The following CD226 variants were observed in gnomAD, a reference collection of about 807,000 sequenced individuals.
CD226 encodes CD226 molecule, also known as CD226 antigen.
In CD226, 24 loss-of-function variants were observed where a neutral mutation model predicts 34.9. The ratio of observed to expected loss-of-function variants is 0.69; its 90% CI spans 0.50 to 0.97. The LOEUF is 0.97. CD226 is among the 50% of genes least tolerant of loss of function. CD226 has a pLI of 0.00. For synonymous variants in CD226, 148 were observed against 147.4 expected (o/e 1.00, Z -0.03); for missense variants, 397 against 412.7 (o/e 0.96, Z 0.33).
rs1395420225 is a variant in CD226, at chr18:69,870,309, C to T, written c.830+2835G>A. Among the ~76,000 whole-genome samples the T allele has an allele frequency of 5.7e-5, 7 of 123,592 alleles. No individual in the cohort carries two copies. The Admixed American group carries it at 5.9e-4, about 10-fold the overall frequency. The allele number at this position is 123,592 out of a possible 152,430, so 81.1% of individuals were successfully genotyped here. On this transcript the variant is annotated intron_variant, in intron 4 of 5. Coordinates refer to ENST00000582621, the MANE Select transcript of CD226 (RefSeq NM_001303618.2). ...TTTTTTTTTGAGACAGAGTCTTACT[C>T]TGTTACCCAGGCTGGAGTACAGTGG...
In CD226 at chr18:69,853,316, C is replaced by T. The variant is rs1982525395; in HGVS notation, c.*10998G>A. On this transcript the variant is annotated 3_prime_UTR_variant, in exon 6 of 6. Transcript: ENST00000582621. ...ATTTCACATTAAAATGACTCTCACA[C>T]ATTCTTAAAAAACATTCCACAAACA... The T allele has an allele frequency of 6.6e-6, 1 of 152,216 alleles. No individual in the cohort carries two copies. Among genetic ancestry groups the T allele is most frequent in the African/African-American group, 2.4e-5 (1 of 41,456 alleles). The allele number at this position is 152,216 out of a possible 1,614,324, so 9.4% of individuals were successfully genotyped here.
chr18:69,867,494 C>A (rs1289579415), intron 4 of CD226, 83 bp from the exon 5 acceptor site: 2 of 872,190 alleles, frequency 2.3e-6, no homozygotes, highest in Admixed American at 3.7e-5. Context: ...CCTCACTGTA[C>A]CCCTAGCCCA....
In CD226 at chr18:69,944,304, G is replaced by A. The variant is rs569641924; in HGVS notation, c.382+2430C>T. Among the ~76,000 whole-genome samples the A allele has an allele frequency of 4.3e-4, 65 of 152,252 alleles. 1 individual carries two copies. Among genetic ancestry groups the A allele is most frequent in the Middle Eastern group, 3.4e-3 (1 of 294 alleles). ...ATGAAGAATTCAAACTAGACGGACA[G>A]CCGGTATTCCTTCCTCTGACTGAAA... On this transcript the variant is annotated intron_variant, in intron 2 of 5. Transcript: ENST00000582621.
intron 2 of CD226, among the ~76,000 whole-genome samples, chr18:69,911,080 A>C (rs2055318753): frequency 6.6e-6 from 1 of 152,234 alleles, no homozygotes; most frequent in Middle Eastern, 3.2e-3. Flanking sequence ...ATACTGGTGC[A>C]CAAGAAACAA....
intron 2 of CD226, among the ~76,000 whole-genome samples, chr18:69,916,486 C>T (rs1001073272): frequency 1.3e-5 from 2 of 152,234 alleles, no homozygotes; most frequent in East Asian, 3.9e-4. Context: ...ATAAAATACC[C>T]TCCGGAAAGC....
intron 2 of CD226, among the ~76,000 whole-genome samples, chr18:69,900,675 T>G (rs983617345): frequency 2.8e-5 from 4 of 142,232 alleles, no homozygotes; most frequent in Non-Finnish European, 6.0e-5. Context: ...GAGCTTGCAG[T>G]GAGCCGAGAT....
intron 2 of CD226, among the ~76,000 whole-genome samples, chr18:69,944,783 C>T (rs1469655548): frequency 1.3e-5 from 2 of 152,200 alleles, no homozygotes; most frequent in Non-Finnish European, 1.5e-5. Context: ...CAGGATTTAA[C>T]AGGTGTCTAC....
chr18:69,918,814 T>C (rs959626429), intron 2 of CD226, among the ~76,000 whole-genome samples: 2 of 151,966 alleles, frequency 1.3e-5, no homozygotes, highest in African/African-American at 2.4e-5. Context: ...CCTGTGCAAA[T>C]AGGGGAGTCA....
upstream of CD226, among the ~76,000 whole-genome samples, chr18:69,951,933 C>A (rs768689197): frequency 3.9e-5 from 6 of 152,070 alleles, no homozygotes; most frequent in Non-Finnish European, 8.8e-5. Flanking sequence ...GGTATCTACC[C>A]AAAGGAAAAG....
intron 2 of CD226, among the ~76,000 whole-genome samples, chr18:69,911,325 A>G (rs1486888265): frequency 1.3e-5 from 2 of 152,180 alleles, no homozygotes; most frequent in African/African-American, 4.8e-5. Flanking sequence ...GCAACTGAAC[A>G]CCGGCATCCT....
chr18:69,923,713 G>C (rs1469800666), intron 2 of CD226, among the ~76,000 whole-genome samples: 1 of 152,146 alleles, frequency 6.6e-6, no homozygotes, highest in Non-Finnish European at 1.5e-5. Flanking sequence ...CAGCACTTTG[G>C]GAGGCCGAGG....
rs1317406273 is a variant in CD226 at position 69,855,862 on chromosome 18, G to T, written c.*8452C>A. ...TCTAAATGTACCAATTAGAAGTGGT[G>T]GGTTTAAACACACAAAAAAGATGAA... On this transcript the variant is annotated 3_prime_UTR_variant, in exon 6 of 6. Transcript: ENST00000582621. 6.6e-6 allele frequency: 1 copy of T among 151,966 alleles called. No homozygotes were observed. Among genetic ancestry groups the T allele is most frequent in the Non-Finnish European group, 1.5e-5 (1 of 67,986 alleles). The allele number at this position is 151,966 out of a possible 1,614,324, so 9.4% of individuals were successfully genotyped here.
chr18:69,867,100 C>A (rs1983195200), intron 5 of CD226, among the ~76,000 whole-genome samples: 1 of 152,138 alleles, frequency 6.6e-6, no homozygotes, highest in Non-Finnish European at 1.5e-5. Context: ...TTAGGGAAGG[C>A]ATAGTGTTGA....
Position 69,862,343 on chromosome 18 carries a change from T to C in CD226, c.*1971A>G, listed in dbSNP as rs1982872829. ...TGTCTTTACCATTCAGAAAAGAAAT[T>C]ATTTACCTTTTAATTGATGCTAAGC... On this transcript the variant is annotated 3_prime_UTR_variant, in exon 6 of 6. Coordinates refer to ENST00000582621, the MANE Select transcript of CD226 (RefSeq NM_001303618.2). 6.6e-6 allele frequency: 1 copy of C among 152,172 alleles called. No individual in the cohort carries two copies. Among genetic ancestry groups the C allele is most frequent in the South Asian group, 2.1e-4 (1 of 4,838 alleles). The allele number at this position is 152,172 out of a possible 1,614,324, so 9.4% of individuals were successfully genotyped here. A position where few individuals can be genotyped will look rare whatever the true frequency, so the allele number is the denominator to read the frequency against.
At position 69,861,623 on chromosome 18, in the gene CD226, A is replaced by G. The variant is rs1179197054; in HGVS notation, c.*2691T>C. ...TCCAAAGCAGCAACTTGTAAAAAGT[A>G]TCTGTATTTAAAATAGAATTTACTG... On this transcript the variant is annotated 3_prime_UTR_variant, in exon 6 of 6. Transcript: ENST00000582621. The G allele has an allele frequency of 6.7e-6, 1 of 149,192 alleles. No homozygotes were observed. Among genetic ancestry groups the G allele is most frequent in the Non-Finnish European group, 1.5e-5 (1 of 67,340 alleles). The allele number at this position is 149,192 out of a possible 1,614,324, so 9.2% of individuals were successfully genotyped here.
upstream of CD226, among the ~76,000 whole-genome samples, chr18:69,957,796 G>C (rs565395192): frequency 3.4e-4 from 52 of 152,312 alleles, no homozygotes; most frequent in African/African-American, 1.2e-3. Context: ...GAGGTAGCCA[G>C]AGTAGCCTTC....
chr18:69,949,077 G>A (rs1287556435), upstream of CD226, among the ~76,000 whole-genome samples: 2 of 152,202 alleles, frequency 1.3e-5, no homozygotes, highest in African/African-American at 4.8e-5. Context: ...GGGTGGGGAA[G>A]TGACCGAAAA....
At chr18:69,892,530 A>G (rs113218271) in intron 3 of CD226, among the ~76,000 whole-genome samples, 83 of 152,356 alleles carry the variant, frequency 5.4e-4, no homozygotes, top group Middle Eastern at 3.4e-3. Context: ...ATTTCAGGAC[A>G]TAAGTGCAAA....
upstream of CD226, among the ~76,000 whole-genome samples, chr18:69,960,135 G>A (rs867793116): frequency 6.6e-6 from 1 of 152,024 alleles, no homozygotes; most frequent in Middle Eastern, 3.4e-3. Flanking sequence ...AGCTACTTGG[G>A]AGGCTGAGGC....
Sources: allele counts gnomAD v4.1 joint callset (sites outside exome capture counted in the v4.1 genomes callset), GRCh38; gene constraint gnomAD v4.1.1; transcripts MANE v1.5; gene names NCBI Gene and HGNC (gene_info 2026-07-23, HGNC 2026-07-21).